The following FAM167A variants were observed in gnomAD, a reference collection of about 807,000 sequenced individuals.
FAM167A encodes the protein family with sequence similarity 167 member A.
A neutral mutation model predicts 14.9 loss-of-function variants in FAM167A; 23 were observed. That is an observed-to-expected ratio of 1.55 (90% confidence interval 1.11 to 2.19). FAM167A has a LOEUF of 2.19. FAM167A is among the 30% of genes most tolerant of loss of function. The pLI, the probability that FAM167A is intolerant of heterozygous loss-of-function variation, is 0.00. For missense variants in FAM167A, 401 were observed against 281.5 expected (o/e 1.42, Z -3.04); for synonymous variants, 174 against 117.7 (o/e 1.48, Z -3.10).
intron 2 of FAM167A, among the ~76,000 whole-genome samples, chr8:11,436,633 G>C (rs2117046851): frequency 6.6e-6 from 1 of 152,354 alleles, no homozygotes; most frequent in South Asian, 2.1e-4. Flanking sequence ...GCAGGAATTG[G>C]GGCTTGCATT....
At chr8:11,454,474 C>G (rs1344601451) in intron 1 of FAM167A, among the ~76,000 whole-genome samples, 2 of 152,240 alleles carry the variant, frequency 1.3e-5, no homozygotes, top group African/African-American at 2.4e-5. Flanking sequence ...GCCCTGATTT[C>G]AACCGGAGAC....
At chr8:11,470,066 C>G (rs1807907387), upstream of FAM167A, among the ~76,000 whole-genome samples, 1 of 152,132 alleles carries the variant, frequency 6.6e-6, no homozygotes, top group South Asian at 2.1e-4. Flanking sequence ...GATGAAGGAC[C>G]TCGCCCTTGA....
upstream of FAM167A, among the ~76,000 whole-genome samples, chr8:11,471,992 C>G (rs778680918): frequency 5.9e-5 from 9 of 152,220 alleles, no homozygotes; most frequent in Non-Finnish European, 1.2e-4. Context: ...CAAATCAGAG[C>G]CTTGCTTTTG....
intron 2 of FAM167A, among the ~76,000 whole-genome samples, chr8:11,437,168 A>C (rs1005193655): frequency 6.6e-6 from 1 of 152,180 alleles, no homozygotes; most frequent in Admixed American, 6.5e-5. Flanking sequence ...ATCCAGACCC[A>C]CTGCAGGGCT....
At position 11,424,341 on chromosome 8, in the gene FAM167A, G is replaced by GTTCCAGCCC; in HGVS notation, c.*31_*32insGGGCTGGAA. The GTTCCAGCCC allele has an allele frequency of 6.2e-7, 1 of 1,610,636 alleles. No homozygotes were observed. Among genetic ancestry groups the GTTCCAGCCC allele is most frequent in the Non-Finnish European group, 8.5e-7 (1 of 1,177,334 alleles). On this transcript the variant is annotated 3_prime_UTR_variant, in exon 3 of 3. Transcript: ENST00000284486. Reference sequence around the variant, plus strand: ...GACACCCCTCCAGCCCAAGCCCTCCGCTCCAGCCCCTCCGCCCAGTCTGAG... The same window carrying GTTCCAGCCC: ...GACACCCCTCCAGCCCAAGCCCTCCGTTCCAGCCCCTCCAGCCCCTCCGCCCAGTCTGAG...
At chr8:11,427,032 G>A (rs951365496) in intron 2 of FAM167A, among the ~76,000 whole-genome samples, 2 of 152,170 alleles carry the variant, frequency 1.3e-5, no homozygotes, top group Non-Finnish European at 2.9e-5. Flanking sequence ...GGCCCAACAC[G>A]GAAGTTCTTT....
Position 11,424,227 on chromosome 8 carries a change from T to G in FAM167A, c.*146A>C. On this transcript the variant is annotated 3_prime_UTR_variant, in exon 3 of 3. Coordinates refer to ENST00000284486, the MANE Select transcript of FAM167A (RefSeq NM_053279.3). ...GGGCCCCTGGGTGGGAGAGCACCACTGAATAGGTCCTGGGGCCCTTGAGTC... is the reference window on the plus strand; with the variant it reads ...GGGCCCCTGGGTGGGAGAGCACCACGGAATAGGTCCTGGGGCCCTTGAGTC... 2 of 1,018,064 alleles carry G rather than the reference T, an allele frequency of 2.0e-6. No individual in the cohort carries two copies. The highest frequency in any genetic ancestry group is 2.8e-6 in the Non-Finnish European group (2 of 708,694). 63.1% of individuals were successfully genotyped at this position (1,018,064 alleles called of 1,614,324 possible). A position where few individuals can be genotyped will look rare whatever the true frequency, so the allele number is the denominator to read the frequency against.
At chr8:11,455,384 C>CTGTGT (rs1807201384) in intron 1 of FAM167A, among the ~76,000 whole-genome samples, 1 of 99,820 alleles carries the variant, frequency 1.0e-5, no homozygotes, top group African/African-American at 4.1e-5. Context: ...GGTTGCCTTG[C>CTGTGT]GTGAGTGTGA....
At chr8:11,448,455 C>T (rs867959507) in intron 1 of FAM167A, among the ~76,000 whole-genome samples, 4 of 152,304 alleles carry the variant, frequency 2.6e-5, no homozygotes, top group Non-Finnish European at 2.9e-5. Context: ...GATGACATAA[C>T]CTATCAGAGT....
intron 1 of FAM167A, among the ~76,000 whole-genome samples, chr8:11,463,348 C>T (rs1373765433): frequency 2.6e-5 from 4 of 152,328 alleles, no homozygotes; most frequent in Non-Finnish European, 5.9e-5. Context: ...GAGGTAGTGT[C>T]ACTTTCAACT....
At chr8:11,425,057 C>G (rs1805039488) in intron 2 of FAM167A, among the ~76,000 whole-genome samples, 1 of 152,166 alleles carries the variant, frequency 6.6e-6, no homozygotes, top group Non-Finnish European at 1.5e-5. Context: ...GGGGCTTTGA[C>G]TGTGATGGCC....
chr8:11,453,262 C>G (rs1200383944), intron 1 of FAM167A, among the ~76,000 whole-genome samples: 1 of 152,236 alleles, frequency 6.6e-6, no homozygotes, highest in African/African-American at 2.4e-5. Flanking sequence ...CAGCCTCAGA[C>G]TCCTGGGGTC....
chr8:11,462,636 T>C (rs1471807781), intron 1 of FAM167A, among the ~76,000 whole-genome samples: 1 of 152,164 alleles, frequency 6.6e-6, no homozygotes, highest in African/African-American at 2.4e-5. Flanking sequence ...ACCTTCTGCT[T>C]CCTTGGTAGG....
intron 2 of FAM167A, among the ~76,000 whole-genome samples, chr8:11,441,763 T>C (rs1208422404): frequency 6.6e-6 from 1 of 152,228 alleles, no homozygotes. Flanking sequence ...TGTAGTCTTG[T>C]TGTAAGAATC....
intron 2 of FAM167A, among the ~76,000 whole-genome samples, chr8:11,443,295 A>G (rs572378202): frequency 8.1e-4 from 124 of 152,320 alleles, no homozygotes; most frequent in African/African-American, 2.9e-3. Flanking sequence ...CACCATGCAC[A>G]AAAGATGCTC....
intron 1 of FAM167A, among the ~76,000 whole-genome samples, chr8:11,456,137 GT>G (rs2117130452): frequency 2.9e-5 from 1 of 33,970 alleles, no homozygotes; most frequent in Non-Finnish European, 6.5e-5. Flanking sequence ...TTGCCTTGCT[GT>G]GTGTGTGTGT....
chr8:11,444,182 C>A lies in FAM167A; in HGVS notation c.230G>T (p.Gly77Val). Residue 77 changes from glycine (G) to valine (V), a missense_variant, in exon 2 of 3, where the codon GGG (glycine) becomes GTG (valine). Gly to Val is a moderately radical substitution (Grantham distance 109, BLOSUM62 -3). Coordinates refer to ENST00000284486, the MANE Select transcript of FAM167A (RefSeq NM_053279.3). ...CAGGGGGAGCAAGGGCTCCTGCCCC[C>A]CACGCTCCCCCTCCTCCAAGCTCGC... Reference protein sequence around the residue: ...PQASLEEGERGGQEPLLPLRE... With the variant: ...PQASLEEGERVGQEPLLPLRE... 1 of 1,612,982 alleles carries A rather than the reference C, an allele frequency of 6.2e-7. No homozygotes were observed. The highest frequency in any genetic ancestry group is 8.5e-7 in the Non-Finnish European group (1 of 1,179,846).
chr8:11,474,323 C>T (rs1169155112), intron 1 of FAM167A, among the ~76,000 whole-genome samples: 2 of 152,236 alleles, frequency 1.3e-5, no homozygotes, highest in Non-Finnish European at 2.9e-5. Flanking sequence ...ATCTTAGCTG[C>T]CTTGTTTGTC....
rs754218407 is a variant in FAM167A at position 11,424,602 on chromosome 8, C to A, written c.416G>T (p.Arg139Ile). ...EMRLQDQQLA[R>I]QLMRLRGDIN... ...GTCGCCACGCAGGCGCATGAGCTGT[C>A]TGGCCAGTTGCTGGTCCTGCAGCCG... Residue 139 changes from arginine (R) to isoleucine (I), a missense_variant, in exon 3 of 3, where the codon AGA (arginine) becomes ATA (isoleucine). Physicochemically the swap from Arg to Ile is moderately conservative, Grantham distance 97. Coordinates refer to ENST00000284486, the MANE Select transcript of FAM167A (RefSeq NM_053279.3). The A allele has an allele frequency of 6.2e-7, 1 of 1,613,940 alleles. No homozygotes were observed. Among genetic ancestry groups the A allele is most frequent in the African/African-American group, 1.3e-5 (1 of 74,914 alleles).
Sources: allele counts gnomAD v4.1 joint callset (sites outside exome capture counted in the v4.1 genomes callset), GRCh38; gene constraint gnomAD v4.1.1; transcripts MANE v1.5; gene names NCBI Gene and HGNC (gene_info 2026-07-23, HGNC 2026-07-21).